Variants in LDLRAD1 observed in about 807,000 individuals in gnomAD.
The protein encoded by LDLRAD1 is low density lipoprotein receptor class A domain containing 1, also known as low-density lipoprotein receptor class A domain-containing protein 1.
In LDLRAD1, 17 loss-of-function variants were observed where a neutral mutation model predicts 24.8. That is an observed-to-expected ratio of 0.69 (90% CI 0.47 to 1.03). LDLRAD1 has a LOEUF of 1.03. Among genes scored for constraint, LDLRAD1 ranks in the 50% least tolerant of loss-of-function variants. LDLRAD1 has a pLI of 0.00. For synonymous variants in LDLRAD1, 103 were observed against 108.2 expected (o/e 0.95, Z 0.30); for missense variants, 277 against 271.0 (o/e 1.02, Z -0.16).
At chr1:54,014,464 C>T (rs1226732844) in intron 2 of LDLRAD1, 100 bp from the exon 3 acceptor site, 86 of 1,173,416 alleles carry the variant, frequency 7.3e-5, no homozygotes, top group Non-Finnish European at 9.7e-6. Flanking sequence ...AGCAGCCTCT[C>T]CCCCACGAGG....
rs562120870 is a variant in LDLRAD1, at chr1:54,013,901, C to G, written c.202+335G>C. The stretch of plus-strand genomic sequence containing the variant: ...GGCACACAGTTGGATAGCACCACCC[C>G]GGGGTGGCCAGGCCAGGGGAAGAGG... On this transcript the variant is annotated intron_variant, in intron 3 of 5. Transcript: ENST00000371360. Among the ~76,000 whole-genome samples the G allele has an allele frequency of 3.9e-4, 59 of 152,076 alleles. No individual in the cohort carries two copies. In the South Asian group the frequency reaches 6.9e-3, roughly 18 times the overall value.
rs1250459903 is a variant in LDLRAD1, at chr1:54,015,094, C to CT, written c.74-731dup. 2.6e-5 allele frequency among the ~76,000 whole-genome samples: 4 copies of CT among 152,140 alleles called. No individual in the cohort carries two copies. In the East Asian group the frequency reaches 7.7e-4, roughly 29 times the overall value. On this transcript the variant is annotated intron_variant, in intron 2 of 5. Transcript: ENST00000371360. ...TGTTGAGTATGAGCTATTATTATTG[C>CT]TTTTTTTAATTATTATTTTTTATAT...
chr1:54,010,411 C>T lies in LDLRAD1; in HGVS notation c.341-1G>A, dbSNP rs145889899. Reference sequence around the variant, plus strand: ...TGGGGGAGGCTCTGGGGCACATCTCCTGTAGAGGTACAGAGGAGGCAGGAA... The same window carrying T: ...TGGGGGAGGCTCTGGGGCACATCTCTTGTAGAGGTACAGAGGAGGCAGGAA... On this transcript the variant is annotated splice_acceptor_variant, in intron 4 of 5. Coordinates refer to ENST00000371360, the MANE Select transcript of LDLRAD1 (RefSeq NM_001010978.4). LOFTEE classifies it high-confidence loss of function. 4.3e-4 allele frequency: 692 copies of T among 1,613,908 alleles called. 1 individual carries two copies. In the African/African-American group the frequency reaches 8.3e-3, roughly 19 times the overall value.
At chr1:54,012,416 G>T in intron 3 of LDLRAD1, 136 bp from the exon 4 acceptor site, 1 of 915,544 alleles carries the variant, frequency 1.1e-6, no homozygotes, top group Non-Finnish European at 1.7e-6. Flanking sequence ...CATCAATGGG[G>T]TTCAAGCCCC....
In LDLRAD1 at chr1:54,010,452, C is replaced by A; in HGVS notation, c.341-42G>T. 3 of 1,607,628 alleles carry A rather than the reference C, an allele frequency of 1.9e-6. No individual in the cohort carries two copies. The South Asian group carries it at 3.3e-5, about 18-fold the overall frequency. Reference sequence around the variant, plus strand: ...GAGGCAGGAAGAAGTCCACATCTGGCCACAGCTGTCTGAGGGTTATCGGGA... The same window carrying A: ...GAGGCAGGAAGAAGTCCACATCTGGACACAGCTGTCTGAGGGTTATCGGGA... On this transcript the variant is annotated intron_variant, in intron 4 of 5. Coordinates refer to ENST00000371360, the MANE Select transcript of LDLRAD1 (RefSeq NM_001010978.4).
Position 54,018,072 on chromosome 1 carries a change from C to T in LDLRAD1, c.21+20G>A, listed in dbSNP as rs1003645141. 2.5e-6 allele frequency: 4 copies of T among 1,604,514 alleles called. No homozygotes were observed. The highest frequency in any genetic ancestry group is 2.7e-5 in the African/African-American group (2 of 74,780). On this transcript the variant is annotated intron_variant, in intron 1 of 5. Coordinates refer to ENST00000371360, the MANE Select transcript of LDLRAD1 (RefSeq NM_001010978.4). ...ACAGCTCTTACTTGGAGACAACTCT[C>T]ACCTGGGGACAGCTCTCACCTGGGG...
In LDLRAD1 at chr1:54,008,612, T is replaced by C. The variant is rs987863912; in HGVS notation, c.*370A>G. The C allele has an allele frequency of 5.6e-6, 1 of 177,344 alleles. No individual in the cohort carries two copies. The highest frequency in any genetic ancestry group is 6.0e-5 in the Admixed American group (1 of 16,740). 11.0% of individuals were successfully genotyped at this position (177,344 alleles called of 1,614,324 possible). On this transcript the variant is annotated 3_prime_UTR_variant, in exon 6 of 6. Transcript: ENST00000371360. ...TTGCTCAGGCTGGAGTGCAGTGGTG[T>C]GGTCACAGCTCACTGCAGCCTTGAC...
At chr1:54,010,473 C>T (rs1009340309) in intron 4 of LDLRAD1, 63 bp from the exon 5 acceptor site, 35 of 1,583,892 alleles carry the variant, frequency 2.2e-5, no homozygotes, top group South Asian at 3.4e-5. Flanking sequence ...TGAGGGTTAT[C>T]GGGAGGAGGA....
intron 5 of LDLRAD1, among the ~76,000 whole-genome samples, 191 bp downstream of exon 5, chr1:54,010,091 C>T (rs1413742024): frequency 6.6e-6 from 1 of 152,130 alleles, no homozygotes; most frequent in African/African-American, 2.4e-5. Context: ...GAAGAATGAG[C>T]CTCCAGAAAA....
Position 54,018,119 on chromosome 1 carries a change from G to C in LDLRAD1, c.-7C>G, listed in dbSNP as rs116802374. On this transcript the variant is annotated 5_prime_UTR_variant, in exon 1 of 6. Transcript: ENST00000371360. The stretch of plus-strand genomic sequence containing the variant: ...GGGGGAAGACCTTGTTCATGTCTTC[G>C]GTTTCCTGCTGCCCGACTGGGGCTG... 5.0e-6 allele frequency: 8 copies of C among 1,613,498 alleles called. No individual in the cohort carries two copies. The highest frequency in any genetic ancestry group is 1.3e-5 in the African/African-American group (1 of 74,900).
rs760705483 is a variant in LDLRAD1 at position 54,009,033 on chromosome 1, A to C, written c.567T>G (p.His189Gln). The C allele has an allele frequency of 6.2e-7, 1 of 1,614,040 alleles. No homozygotes were observed. The highest frequency in any genetic ancestry group is 8.5e-7 in the Non-Finnish European group (1 of 1,180,000). Residue 189 changes from histidine (H) to glutamine (Q), a missense_variant, in exon 6 of 6, where the codon CAT becomes CAG. Transcript: ENST00000371360. Reference protein sequence around the residue: ...DCIPRHLCRDHVQHCSDWSDE... With the variant: ...DCIPRHLCRDQVQHCSDWSDE... ...CGGACCAGTCGGAGCAGTGCTGTAC[A>C]TGGTCGCGGCAGAGATGCCTCGGTA...
intron 2 of LDLRAD1, among the ~76,000 whole-genome samples, chr1:54,015,514 G>C (rs1004860405): frequency 6.6e-6 from 1 of 152,188 alleles, no homozygotes; most frequent in Non-Finnish European, 1.5e-5. Context: ...GCATGGACAT[G>C]CCTGAAGGGG....
Position 54,008,800 on chromosome 1 carries a change from T to C in LDLRAD1, c.*182A>G. 1 of 584,012 alleles carries C rather than the reference T, an allele frequency of 1.7e-6. No individual in the cohort carries two copies. The highest frequency in any genetic ancestry group is 3.0e-6 in the Non-Finnish European group (1 of 333,406). The allele number at this position is 584,012 out of a possible 1,614,324, so 36.2% of individuals were successfully genotyped here. On this transcript the variant is annotated 3_prime_UTR_variant, in exon 6 of 6. Coordinates refer to ENST00000371360, the MANE Select transcript of LDLRAD1 (RefSeq NM_001010978.4). ...AACATGGTAATGAGCTCCTGGTCAT[T>C]GGAAGCATTCAAGCAGAGGCTGAAC...
At chr1:54,010,696 C>T (rs1656015637) in intron 4 of LDLRAD1, among the ~76,000 whole-genome samples, 1 of 152,152 alleles carries the variant, frequency 6.6e-6, no homozygotes, top group South Asian at 2.1e-4. Flanking sequence ...ATGCCCCCCT[C>T]CACAAAGAGC....
intron 2 of LDLRAD1, 80 bp downstream of exon 2, chr1:54,017,296 C>T (rs1656348073): frequency 4.2e-6 from 5 of 1,191,688 alleles, no homozygotes; most frequent in Non-Finnish European, 6.1e-6. Flanking sequence ...AGCCTTGAAC[C>T]CTCCTCATGT....
chr1:54,009,126 A>G lies in LDLRAD1; in HGVS notation c.474T>C (p.Thr158=). 1 of 1,613,746 alleles carries G rather than the reference A, an allele frequency of 6.2e-7. No homozygotes were observed. ...GDCSDELSPV[T]VCPPCGPGWW... ...ACCCAGGGCCGCAGGGTGGGCACACAGTTACTGCAGAGACAAGAGCCAGCA... is the reference window on the plus strand; with the variant it reads ...ACCCAGGGCCGCAGGGTGGGCACACGGTTACTGCAGAGACAAGAGCCAGCA... The change falls in exon 6 of 6, where the codon ACT becomes ACC. Residue 158 remains threonine (T), a synonymous_variant. Transcript: ENST00000371360.
intron 5 of LDLRAD1, 87 bp downstream of exon 5, chr1:54,010,195 G>A: frequency 1.4e-6 from 2 of 1,471,206 alleles, no homozygotes; most frequent in Non-Finnish European, 1.9e-6. Context: ...CATGCAAGGG[G>A]GAGCCCTAGA....
intron 2 of LDLRAD1, among the ~76,000 whole-genome samples, chr1:54,014,939 G>A (rs1038685924): frequency 6.6e-5 from 10 of 151,972 alleles, no homozygotes; most frequent in African/African-American, 2.4e-4. Context: ...ATCCTACCTG[G>A]GCCACACTGA....
Position 54,014,369 on chromosome 1 carries a change from G to T in LDLRAD1, c.74-5C>A, listed in dbSNP as rs1224059771. On this transcript the variant is annotated splice_region_variant and splice_polypyrimidine_tract_variant and intron_variant, in intron 2 of 5. Transcript: ENST00000371360. The stretch of plus-strand genomic sequence containing the variant: ...AGCAGAGGTGGCCGCCGCCTGCTGT[G>T]TGGGGGGGAAACAAGCCCGGGGGTG... The T allele has an allele frequency of 1.3e-5, 20 of 1,531,050 alleles. 1 individual carries two copies. Among genetic ancestry groups the T allele is most frequent in the South Asian group, 2.4e-5 (2 of 83,750 alleles). 94.8% of individuals were successfully genotyped at this position (1,531,050 alleles called of 1,614,324 possible).
Sources: allele counts gnomAD v4.1 joint callset (sites outside exome capture counted in the v4.1 genomes callset), GRCh38; gene constraint gnomAD v4.1.1; transcripts MANE v1.5; gene names NCBI Gene and HGNC (gene_info 2026-07-23, HGNC 2026-07-21).